ITCH: variants seen among roughly 807,000 people sequenced by gnomAD.
ITCH encodes itchy E3 ubiquitin protein ligase.
In ITCH, 28 loss-of-function variants were observed where a neutral mutation model predicts 126.8. The ratio of observed to expected loss-of-function variants is 0.22; its 90% CI spans 0.16 to 0.30. ITCH has a LOEUF of 0.30. ITCH is among the 10% of genes least tolerant of loss of function. The probability of loss-of-function intolerance (pLI) is 1.00; values close to 1 mark genes in which losing one functional copy is unlikely to be tolerated. For missense variants in ITCH, 631 were observed against 1,032.4 expected (o/e 0.61, Z 5.33); for synonymous variants, 342 against 340.0 (o/e 1.01, Z -0.06).
chr20:34,490,063 A>G, intron 22 of ITCH, 137 bp downstream of exon 22: 1 of 688,112 alleles, frequency 1.5e-6, no homozygotes, highest in Non-Finnish European at 2.6e-6. Flanking sequence ...TAATAAATGA[A>G]TACAGATTAT....
At chr20:34,382,039 T>C (rs1233370519) in intron 2 of ITCH, among the ~76,000 whole-genome samples, 2 of 152,188 alleles carry the variant, frequency 1.3e-5, no homozygotes, top group Admixed American at 1.3e-4. Flanking sequence ...AAGATGTATG[T>C]GGTATTTTGC....
intron 16 of ITCH, among the ~76,000 whole-genome samples, chr20:34,474,468 A>G (rs902258399): frequency 3.3e-5 from 5 of 152,272 alleles, no homozygotes. Context: ...TTCAGAGAGC[A>G]CAGGGTTGGG....
chr20:34,432,832 C>T (rs759045559), intron 7 of ITCH, among the ~76,000 whole-genome samples: 7 of 152,042 alleles, frequency 4.6e-5, no homozygotes, highest in South Asian at 2.1e-4. Flanking sequence ...TAGCCTGCAC[C>T]TGTAGTCCCA....
intron 11 of ITCH, 121 bp downstream of exon 11, chr20:34,445,582 T>C (rs1044310106): frequency 1.1e-6 from 1 of 884,608 alleles, no homozygotes; most frequent in Admixed American, 2.0e-5. Context: ...TTGTTGCTGT[T>C]AGTAGGTATT....
intron 7 of ITCH, among the ~76,000 whole-genome samples, chr20:34,435,020 T>G (rs1252317852): frequency 6.6e-6 from 1 of 152,184 alleles, no homozygotes; most frequent in Non-Finnish European, 1.5e-5. Context: ...CCTACCAAAT[T>G]ATTAATTTCT....
chr20:34,452,723 A>G (rs1378148925), intron 12 of ITCH, among the ~76,000 whole-genome samples: 1 of 152,152 alleles, frequency 6.6e-6, no homozygotes, highest in Admixed American at 6.5e-5. Context: ...GCTGGGGTGC[A>G]GTGGCTGTTC....
intron 12 of ITCH, among the ~76,000 whole-genome samples, chr20:34,457,138 T>C (rs111400941): frequency 9.0e-4 from 137 of 152,260 alleles, no homozygotes; most frequent in African/African-American, 3.1e-3. Flanking sequence ...TTGGATTGAG[T>C]AGAAAGGTCC....
At chr20:34,454,233 G>C (rs1259352425) in intron 12 of ITCH, among the ~76,000 whole-genome samples, 1 of 150,578 alleles carries the variant, frequency 6.6e-6, no homozygotes, top group Non-Finnish European at 1.5e-5. Context: ...CGCCTCCCGG[G>C]TTCACGCCAT....
rs1171765663 is a variant in ITCH at position 34,364,724 on chromosome 20, C to CAAAAAAAAAAAAAAAAAAAA, written c.-99+1394_-99+1395insAAAAAAAAAAAAAAAAAAAA. On this transcript the variant is annotated intron_variant, in intron 1 of 24. Transcript: ENST00000374864. The stretch of plus-strand genomic sequence containing the variant: ...TGAAACCCCGTCTCTACTAAAAATA[C>CAAAAAAAAAAAAAAAAAAAA]AAAAAAAAAAAAAAAAAAATCCTGG... Among the ~76,000 whole-genome samples the CAAAAAAAAAAAAAAAAAAAA allele has an allele frequency of 1.1e-3, 51 of 45,524 alleles. 2 individuals carry two copies. The highest frequency in any genetic ancestry group is 1.8e-3 in the African/African-American group (15 of 8,412). 29.9% of individuals were successfully genotyped at this position (45,524 alleles called of 152,430 possible).
intron 10 of ITCH, 50 bp from the exon 11 acceptor site, chr20:34,445,237 A>C (rs1414786504): frequency 6.3e-7 from 1 of 1,592,234 alleles, no homozygotes. Flanking sequence ...TATCTGTTTC[A>C]CAAGTATTTG....
chr20:34,443,553 C>T (rs934089996), intron 10 of ITCH, among the ~76,000 whole-genome samples: 1 of 151,568 alleles, frequency 6.6e-6, no homozygotes, highest in Non-Finnish European at 1.5e-5. Flanking sequence ...TTTTTTAATC[C>T]AGAGGAAAGT....
chr20:34,442,111 G>A, intron 9 of ITCH, 97 bp from the exon 10 acceptor site: 1 of 846,438 alleles, frequency 1.2e-6, no homozygotes, highest in Non-Finnish European at 2.0e-6. Context: ...ATTTGCCTTA[G>A]TTCAATAATG....
chr20:34,504,940 A>G (rs1990524847), intron 24 of ITCH, among the ~76,000 whole-genome samples: 1 of 152,174 alleles, frequency 6.6e-6, no homozygotes, highest in African/African-American at 2.4e-5. Context: ...TTGTACATGC[A>G]TGTAGTGTTT....
rs190597734 is a variant in ITCH at position 34,365,827 on chromosome 20, G to A, written c.-99+2478G>A. ...GAAATTCCAGGGTCTTACCTTCTGA[G>A]ATGGATTTAGTAGGTCTGGGTTGGC... On this transcript the variant is annotated intron_variant, in intron 1 of 24. Coordinates refer to ENST00000374864, the MANE Select transcript of ITCH (RefSeq NM_031483.7). 3.5e-4 allele frequency among the ~76,000 whole-genome samples: 54 copies of A among 152,320 alleles called. No homozygotes were observed. The South Asian group carries it at 3.7e-3, about 11-fold the overall frequency.
rs1371955959 is a variant in ITCH, at chr20:34,385,215, GTGTGTGGTTT to G, written c.-21-8574_-21-8565del. ...TGTGTGTGTGTGTGTGTGTGTGTGT[GTGTGTGGTTT>G]TTTTTTTTTTTTTTTTTAGCAGAGA... On this transcript the variant is annotated intron_variant, in intron 2 of 24. Coordinates refer to ENST00000374864, the MANE Select transcript of ITCH (RefSeq NM_031483.7). Among the ~76,000 whole-genome samples the G allele has an allele frequency of 3.2e-3, 421 of 133,234 alleles. 1 individual carries two copies. The highest frequency in any genetic ancestry group is 0.021 in the South Asian group (90 of 4,324). 87.4% of individuals were successfully genotyped at this position (133,234 alleles called of 152,430 possible).
At chr20:34,420,055 A>G (rs940541965) in intron 6 of ITCH, among the ~76,000 whole-genome samples, 22 of 152,128 alleles carry the variant, frequency 1.4e-4, no homozygotes, top group African/African-American at 5.3e-4. Flanking sequence ...TCAGCTTTAC[A>G]ATATTAATTG....
chr20:34,392,411 G>A (rs2038519898), intron 2 of ITCH, among the ~76,000 whole-genome samples: 1 of 152,194 alleles, frequency 6.6e-6, no homozygotes, highest in Admixed American at 6.5e-5. Flanking sequence ...CCTTATGGTT[G>A]AGACGAAATT....
At chr20:34,385,251 T>G (rs1324734761) in intron 2 of ITCH, among the ~76,000 whole-genome samples, 1 of 125,316 alleles carries the variant, frequency 8.0e-6, no homozygotes, top group Non-Finnish European at 1.6e-5. Flanking sequence ...TTAGCAGAGA[T>G]AGGGTGTCAC....
intron 23 of ITCH, among the ~76,000 whole-genome samples, chr20:34,498,069 A>T (rs894138626): frequency 1.3e-5 from 2 of 151,860 alleles, no homozygotes; most frequent in African/African-American, 4.8e-5. Flanking sequence ...GGTTAAATTT[A>T]TTTCTAGGTT....
Sources: allele counts gnomAD v4.1 joint callset (sites outside exome capture counted in the v4.1 genomes callset), GRCh38; gene constraint gnomAD v4.1.1; transcripts MANE v1.5; gene names NCBI Gene and HGNC (gene_info 2026-07-23, HGNC 2026-07-21).